The following DEFB134 variants were observed in gnomAD, a reference collection of about 807,000 sequenced individuals.
DEFB134 encodes beta-defensin 134.
In DEFB134, 7 loss-of-function variants were observed where a neutral mutation model predicts 7.4. The observed-to-expected ratio is 0.95, with a 90% confidence interval of 0.54 to 1.79. DEFB134 has a LOEUF of 1.79. DEFB134 is among the 40% of genes most tolerant of loss of function. DEFB134 has a pLI of 0.00. For missense variants in DEFB134, 105 were observed against 74.8 expected, an observed-to-expected ratio of 1.40 and a Z score of -1.49; for synonymous variants, 33 against 25.0, an observed-to-expected ratio of 1.32 and a Z score of -0.96.
chr8:11,996,716 G>T (rs1389926797), upstream of DEFB134, among the ~76,000 whole-genome samples: 2 of 152,094 alleles, frequency 1.3e-5, no homozygotes, highest in African/African-American at 4.8e-5. Flanking sequence ...TTTCATTTAT[G>T]CCTAGTTTGT....
exon 1 of DEFB134, chr8:11,996,203 C>G: frequency 6.2e-7 from 1 of 1,613,744 alleles, no homozygotes; most frequent in Non-Finnish European, 8.5e-7. Flanking sequence ...CCTGCCAGCA[C>G]TGGATCCCAA....
At chr8:11,994,957 G>T (rs1800079109) in intron 1 of DEFB134, among the ~76,000 whole-genome samples, 1 of 152,198 alleles carries the variant, frequency 6.6e-6, no homozygotes, top group Admixed American at 6.5e-5. Flanking sequence ...CTGAAGATTT[G>T]AGAAGTCTTA....
At chr8:11,994,866 A>G (rs1200924757) in intron 1 of DEFB134, among the ~76,000 whole-genome samples, 3 of 152,328 alleles carry the variant, frequency 2.0e-5, no homozygotes, top group Admixed American at 6.5e-5. Context: ...TATCTCTGAG[A>G]GAGGAAAAAA....
chr8:11,996,018 T>C (rs1326786857), intron 1 of DEFB134, among the ~76,000 whole-genome samples, 176 bp downstream of exon 2: 1 of 151,814 alleles, frequency 6.6e-6, no homozygotes, highest in Non-Finnish European at 1.5e-5. Context: ...AGTTATATAG[T>C]TAACAAGTTG....
upstream of DEFB134, among the ~76,000 whole-genome samples, chr8:12,000,646 TATC>T (rs1434097904): frequency 6.6e-6 from 1 of 152,208 alleles, no homozygotes; most frequent in East Asian, 1.9e-4. Context: ...AACAATATGC[TATC>T]ATAACAATAC....
chr8:11,999,569 A>G (rs1175961656), upstream of DEFB134: 2 of 152,204 alleles, frequency 1.3e-5, no homozygotes, highest in Non-Finnish European at 2.9e-5. Context: ...CCCACTATTG[A>G]TAAGGAGCTC....
At chr8:11,996,203 C>A (rs1800117554) in exon 1 of DEFB134, 4 of 1,613,626 alleles carry the variant, frequency 2.5e-6, no homozygotes, top group Non-Finnish European at 3.4e-6. Flanking sequence ...CCTGCCAGCA[C>A]TGGATCCCAA....
intron 1 of DEFB134, among the ~76,000 whole-genome samples, chr8:11,995,958 C>CAAAAAAAAAAAAAAAAAAAAA (rs34837269): frequency 1.4e-5 from 2 of 139,892 alleles, no homozygotes; most frequent in African/African-American, 5.6e-5. Flanking sequence ...TCAGTTCAGC[C>CAAAAAAAAAAAAAAAAAAAAA]AAAAAAAAAA....
upstream of DEFB134, among the ~76,000 whole-genome samples, chr8:12,000,367 C>T (rs1800238535): frequency 6.6e-6 from 1 of 152,122 alleles, no homozygotes; most frequent in Non-Finnish European, 1.5e-5. Context: ...GAAAGTCTAG[C>T]AGGCCATCAG....
intron 1 of DEFB134, among the ~76,000 whole-genome samples, chr8:11,995,779 G>A (rs1167130349): frequency 1.3e-5 from 2 of 152,216 alleles, no homozygotes; most frequent in African/African-American, 4.8e-5. Context: ...ACAGCAGGAA[G>A]ACAGGATGGG....
chr8:11,998,796 T>C (rs1258922065), upstream of DEFB134, among the ~76,000 whole-genome samples: 1 of 152,104 alleles, frequency 6.6e-6, no homozygotes, highest in Non-Finnish European at 1.5e-5. Context: ...TTTAGACTGC[T>C]AGCTAGACTA....
At chr8:12,000,302 A>C (rs1263856708), upstream of DEFB134, among the ~76,000 whole-genome samples, 1 of 152,196 alleles carries the variant, frequency 6.6e-6, no homozygotes, top group African/African-American at 2.4e-5. Context: ...TAGACTGTGA[A>C]ATCCGAGTAG....
At chr8:11,995,958 C>CAAAAAAAAAAAAAAAAAAAAAAAAAAA (rs34837269) in intron 1 of DEFB134, among the ~76,000 whole-genome samples, 1 of 139,892 alleles carries the variant, frequency 7.1e-6, no homozygotes, top group African/African-American at 2.8e-5. Flanking sequence ...TCAGTTCAGC[C>CAAAAAAAAAAAAAAAAAAAAAAAAAAA]AAAAAAAAAA....
At chr8:11,994,079 T>C (rs753643778) in exon 2 of DEFB134, 1 of 1,613,706 alleles carries the variant, frequency 6.2e-7, no homozygotes, top group South Asian at 1.1e-5. Flanking sequence ...AGATGCCATT[T>C]TTATAGCATT....
upstream of DEFB134, chr8:11,999,303 G>GA (rs1311686127): frequency 2.7e-5 from 6 of 218,830 alleles, no homozygotes; most frequent in East Asian, 1.1e-4. Flanking sequence ...ATCACTCTGA[G>GA]AAAAAAAGAC....
chr8:11,996,850 G>A (rs1366398773), upstream of DEFB134, among the ~76,000 whole-genome samples: 1 of 152,074 alleles, frequency 6.6e-6, no homozygotes, highest in Non-Finnish European at 1.5e-5. Context: ...ATTTTTAAGT[G>A]TTGCACAATA....
exon 2 of DEFB134, chr8:11,994,084 A>G: frequency 6.2e-7 from 1 of 1,613,666 alleles, no homozygotes; most frequent in Non-Finnish European, 8.5e-7. Flanking sequence ...CCATTTTTAT[A>G]GCATTTCTTG....
chr8:11,994,579 G>C (rs73542308), intron 1 of DEFB134, among the ~76,000 whole-genome samples: 15,004 of 152,212 alleles, frequency 0.099, 1,277 homozygotes, highest in African/African-American at 0.24. Flanking sequence ...AAGCCACAGT[G>C]TGCGGAATTT....
At chr8:11,996,068 C>T in intron 1 of DEFB134, 126 bp downstream of exon 2, 6 of 1,137,008 alleles carry the variant, frequency 5.3e-6, no homozygotes, top group Non-Finnish European at 7.6e-6. Flanking sequence ...GACATCAAAA[C>T]TAGTTGATGC....
Sources: allele counts gnomAD v4.1 joint callset (sites outside exome capture counted in the v4.1 genomes callset), GRCh38; gene constraint gnomAD v4.1.1; transcripts MANE v1.5; gene names NCBI Gene and HGNC (gene_info 2026-07-23, HGNC 2026-07-21).